The following SLC35F6 variants were observed in gnomAD, a reference collection of about 807,000 sequenced individuals.
SLC35F6 encodes the protein solute carrier family 35 member F6.
Under a neutral mutation model 29.4 loss-of-function variants are expected in SLC35F6, and 26 were observed. The ratio of observed to expected loss-of-function variants is 0.89; its 90% CI spans 0.65 to 1.23. The LOEUF (loss-of-function observed/expected upper bound fraction) is 1.23, where lower values mean the gene tolerates loss of function less well. Ranked by LOEUF, SLC35F6 falls within the 50% of genes most tolerant of loss-of-function variation. The pLI is 0.00. For synonymous variants in SLC35F6, 174 were observed against 206.6 expected (o/e 0.84, Z 1.35); for missense variants, 428 against 487.8 (o/e 0.88, Z 1.15).
chr2:26,774,162 G>A, intron 1 of SLC35F6, 89 bp from the exon 2 acceptor site: 1 of 1,518,858 alleles, frequency 6.6e-7, no homozygotes, highest in African/African-American at 1.4e-5. Flanking sequence ...ACCCAGGTCT[G>A]GGCCTCTTGA....
At chr2:26,773,227 A>G (rs1467022213) in intron 1 of SLC35F6, among the ~76,000 whole-genome samples, 2 of 152,134 alleles carry the variant, frequency 1.3e-5, no homozygotes, top group African/African-American at 4.8e-5. Context: ...TGGGCCAGGC[A>G]CGGTGGCTCA....
intron 2 of SLC35F6, 132 bp from the exon 3 acceptor site, chr2:26,774,912 C>A: frequency 9.1e-7 from 1 of 1,100,196 alleles, no homozygotes; most frequent in Non-Finnish European, 1.3e-6. Context: ...GGCAGCTCTG[C>A]ATTTGTCTAT....
chr2:26,775,704 T>C lies in SLC35F6; in HGVS notation c.535+28T>C, dbSNP rs1181204455. 101 of 1,523,868 alleles carry C rather than the reference T, an allele frequency of 6.6e-5. No homozygotes were observed. Among genetic ancestry groups the C allele is most frequent in the Non-Finnish European group, 8.5e-5 (97 of 1,137,450 alleles). The allele number at this position is 1,523,868 out of a possible 1,614,324, so 94.4% of individuals were successfully genotyped here. On this transcript the variant is annotated intron_variant, in intron 4 of 5. Coordinates refer to ENST00000344420, the MANE Select transcript of SLC35F6 (RefSeq NM_017877.4). This position sits in a 1 kb window ranked among gnomAD's most constrained non-coding sequence, Gnocchi z 4.6. ...GCGGCCAGGGGCAGGGACACGGGGC[T>C]GCCCTATCCTGCCCTGTCCTCCTTG...
rs995753847 is a variant in SLC35F6 at position 26,776,009 on chromosome 2, C to T, written c.535+333C>T. Reference sequence around the variant, plus strand: ...CTGTGTGTTCATCATCACAGTGACTCCCACAGGCCCCAAACGGATGCATCA... The same window carrying T: ...CTGTGTGTTCATCATCACAGTGACTTCCACAGGCCCCAAACGGATGCATCA... On this transcript the variant is annotated intron_variant, in intron 4 of 5. Coordinates refer to ENST00000344420, the MANE Select transcript of SLC35F6 (RefSeq NM_017877.4). Among the ~76,000 whole-genome samples, 16 of 152,192 alleles carry T rather than the reference C, an allele frequency of 1.1e-4. 1 individual carries two copies. The highest frequency in any genetic ancestry group is 3.6e-4 in the African/African-American group (15 of 41,450).
intron 4 of SLC35F6, 148 bp from the exon 5 acceptor site, chr2:26,776,224 C>A: frequency 1.5e-6 from 1 of 660,318 alleles, no homozygotes; most frequent in South Asian, 2.0e-5. Context: ...ACCAGGGAAT[C>A]AGGGACAGGC....
Position 26,779,676 on chromosome 2 carries a change from C to G in SLC35F6, c.*1165C>G, listed in dbSNP as rs568764262. 1 of 152,292 alleles carries G rather than the reference C, an allele frequency of 6.6e-6. No homozygotes were observed. The highest frequency in any genetic ancestry group is 6.5e-5 in the Admixed American group (1 of 15,284). The allele number at this position is 152,292 out of a possible 1,614,324, so 9.4% of individuals were successfully genotyped here. A position where few individuals can be genotyped will look rare whatever the true frequency, so the allele number is the denominator to read the frequency against. ...GACTACAGGCGTGTGCCACCACATC[C>G]GGCTAATTTTTTGCATTCTTTAATA... On this transcript the variant is annotated 3_prime_UTR_variant, in exon 6 of 6. Transcript: ENST00000344420.
chr2:26,766,283 C>T (rs776508463), intron 1 of SLC35F6, among the ~76,000 whole-genome samples: 5 of 152,170 alleles, frequency 3.3e-5, no homozygotes, highest in Admixed American at 6.6e-5. Context: ...GCATGCACCC[C>T]GATGTGAAGT....
At chr2:26,776,163 C>T (rs73923337) in intron 4 of SLC35F6, among the ~76,000 whole-genome samples, 7,479 of 152,332 alleles carry the variant, frequency 0.049, 648 homozygotes, top group African/African-American at 0.17. Context: ...CTCTTAGACA[C>T]AGGCAGGCCT....
rs1232956809 is a variant in SLC35F6, at chr2:26,778,398, G to A, written c.1003G>A (p.Gly335Arg). The stretch of plus-strand genomic sequence containing the variant: ...CCTTATAGGCACTGCCCTCTACAAT[G>A]GGCTACACCGTCCGCTGCTGGGCCG... ...ILLIGTALYN[G>R]LHRPLLGRLS... is the part of the protein sequence containing the mutation. Residue 335 changes from glycine to arginine, a missense_variant, in exon 6 of 6, where the codon GGG becomes AGG. Transcript: ENST00000344420. 1 of 1,614,128 alleles carries A rather than the reference G, an allele frequency of 6.2e-7. No individual in the cohort carries two copies.
rs1437012229 is a variant in SLC35F6, at chr2:26,781,166, G to GCC, written c.*2655_*2656insCC. Reference sequence around the variant, plus strand: ...TTGGCAATTGTATTAATCCATTCTCGAATTGCTGTAAAGAAATACCTGAGA... The same window carrying GCC: ...TTGGCAATTGTATTAATCCATTCTCGCCAATTGCTGTAAAGAAATACCTGAGA... On this transcript the variant is annotated 3_prime_UTR_variant, in exon 6 of 6. Coordinates refer to ENST00000344420, the MANE Select transcript of SLC35F6 (RefSeq NM_017877.4). The GCC allele has an allele frequency of 6.6e-6, 1 of 152,078 alleles. No homozygotes were observed. The highest frequency in any genetic ancestry group is 1.5e-5 in the Non-Finnish European group (1 of 68,014). 9.4% of individuals were successfully genotyped at this position (152,078 alleles called of 1,614,324 possible). A position where few individuals can be genotyped will look rare whatever the true frequency, so the allele number is the denominator to read the frequency against.
chr2:26,765,541 C>A (rs1323172306), intron 1 of SLC35F6, among the ~76,000 whole-genome samples: 1 of 152,196 alleles, frequency 6.6e-6, no homozygotes, highest in Non-Finnish European at 1.5e-5. Flanking sequence ...AAGGTACCTA[C>A]GGTGTGTAAG....
Position 26,775,412 on chromosome 2 carries a change from C to G in SLC35F6, c.323-52C>G. The G allele has an allele frequency of 6.3e-7, 1 of 1,588,858 alleles. No individual in the cohort carries two copies. Among genetic ancestry groups the G allele is most frequent in the Admixed American group, 1.7e-5 (1 of 58,302 alleles). On this transcript the variant is annotated intron_variant, in intron 3 of 5. Transcript: ENST00000344420. The surrounding 1 kb of genome is among the most constrained non-coding windows in gnomAD (Gnocchi z 4.6). The stretch of plus-strand genomic sequence containing the variant: ...TCTATCACCAAAGACCCCTTAGTGA[C>G]AGATGGCCTTCGCCTTGGGAAGCTA...
rs1222619890 is a variant in SLC35F6, at chr2:26,779,365, T to TA, written c.*855dup. The TA allele has an allele frequency of 6.6e-6, 1 of 152,244 alleles. No individual in the cohort carries two copies. Among genetic ancestry groups the TA allele is most frequent in the Admixed American group, 6.5e-5 (1 of 15,282 alleles). 9.4% of individuals were successfully genotyped at this position (152,244 alleles called of 1,614,324 possible). A position where few individuals can be genotyped will look rare whatever the true frequency, so the allele number is the denominator to read the frequency against. On this transcript the variant is annotated 3_prime_UTR_variant, in exon 6 of 6. Coordinates refer to ENST00000344420, the MANE Select transcript of SLC35F6 (RefSeq NM_017877.4). ...ACCCAGTTGCTCTGGGCCTTGGTGTTATGCTCTGGGAAGTAGATGTTGATG... is the reference window on the plus strand; with the variant it reads ...ACCCAGTTGCTCTGGGCCTTGGTGTTAATGCTCTGGGAAGTAGATGTTGATG...
In SLC35F6 at chr2:26,773,774, G is replaced by A. The variant is rs192204726; in HGVS notation, c.78-477G>A. Among the ~76,000 whole-genome samples, 60 of 151,654 alleles carry A rather than the reference G, an allele frequency of 4.0e-4. 1 individual carries two copies. The highest frequency in any genetic ancestry group is 1.4e-3 in the African/African-American group (58 of 41,442). On this transcript the variant is annotated intron_variant, in intron 1 of 5. Coordinates refer to ENST00000344420, the MANE Select transcript of SLC35F6 (RefSeq NM_017877.4). The stretch of plus-strand genomic sequence containing the variant: ...ATTACAGGCTTGTACCACCACGCCC[G>A]GCTAATTTTTGTATTTTTAGTAGAG...
At chr2:26,776,815 G>T (rs1664309731) in intron 5 of SLC35F6, among the ~76,000 whole-genome samples, 1 of 152,140 alleles carries the variant, frequency 6.6e-6, no homozygotes, top group African/African-American at 2.4e-5. Context: ...TGGCATTCGA[G>T]CTGCAAATTT....
At position 26,778,366 on chromosome 2, in the gene SLC35F6, T is replaced by C. The variant is rs769424795; in HGVS notation, c.971T>C (p.Leu324Pro). The C allele has an allele frequency of 2.1e-5, 34 of 1,614,030 alleles. No individual in the cohort carries two copies. Among genetic ancestry groups the C allele is most frequent in the Non-Finnish European group, 2.9e-5 (34 of 1,180,020 alleles). The change falls in exon 6 of 6, where the codon CTC becomes CCC. Residue 324 changes from leucine (L) to proline (P), a missense_variant. Transcript: ENST00000344420. ...AFHALQILGF[L>P]ILLIGTALYN... Reference sequence around the variant, plus strand: ...CATGCACTGCAGATCCTTGGCTTCCTCATACTCCTTATAGGCACTGCCCTC... The same window carrying C: ...CATGCACTGCAGATCCTTGGCTTCCCCATACTCCTTATAGGCACTGCCCTC...
Position 26,775,603 on chromosome 2 carries a change from G to C in SLC35F6, c.462G>C (p.Gly154=), listed in dbSNP as rs747998026. ...QWLGILATIA[G]LVVVGLADLL... ...TGGGCATCCTAGCCACCATCGCGGG[G>C]CTGGTGGTCGTGGGCCTGGCTGACC... Residue 154 remains glycine, a synonymous_variant, in exon 4 of 6, where the codon GGG becomes GGC. Coordinates refer to ENST00000344420, the MANE Select transcript of SLC35F6 (RefSeq NM_017877.4). The surrounding 1 kb of genome is among the most constrained non-coding windows in gnomAD (Gnocchi z 4.6). 6.2e-7 allele frequency: 1 copy of C among 1,607,032 alleles called. No homozygotes were observed. The highest frequency in any genetic ancestry group is 1.1e-5 in the South Asian group (1 of 90,012).
Position 26,764,751 on chromosome 2 carries a change from G to C in SLC35F6, c.77+325G>C, listed in dbSNP as rs557682633. The C allele has an allele frequency of 9.4e-5, 92 of 978,136 alleles. No homozygotes were observed. The African/African-American group carries it at 1.6e-3, about 17-fold the overall frequency. 60.6% of individuals were successfully genotyped at this position (978,136 alleles called of 1,614,324 possible). A position where few individuals can be genotyped will look rare whatever the true frequency, so the allele number is the denominator to read the frequency against. The stretch of plus-strand genomic sequence containing the variant: ...TCCAAGCCTGAGCACCTCCCTCCAC[G>C]AGCTGGGAGAGACCCCTGGACTTGT... On this transcript the variant is annotated intron_variant, in intron 1 of 5. Transcript: ENST00000344420.
chr2:26,775,792 G>C lies in SLC35F6; in HGVS notation c.535+116G>C. On this transcript the variant is annotated intron_variant, in intron 4 of 5. Coordinates refer to ENST00000344420, the MANE Select transcript of SLC35F6 (RefSeq NM_017877.4). This position sits in a 1 kb window ranked among gnomAD's most constrained non-coding sequence, Gnocchi z 4.6. ...CCATATACCAAGCCCTGGGTGAGGT[G>C]GGTAGCTCTGGAGGTGATGGATAGA... is the stretch of plus-strand genomic sequence containing the variant. 1 of 1,180,420 alleles carries C rather than the reference G, an allele frequency of 8.5e-7. No individual in the cohort carries two copies. Among genetic ancestry groups the C allele is most frequent in the Admixed American group, 2.7e-5 (1 of 36,534 alleles). 73.1% of individuals were successfully genotyped at this position (1,180,420 alleles called of 1,614,324 possible).
Sources: allele counts gnomAD v4.1 joint callset (sites outside exome capture counted in the v4.1 genomes callset), GRCh38; gene constraint gnomAD v4.1.1; non-coding constraint Gnocchi (gnomAD v3.1); transcripts MANE v1.5; gene names NCBI Gene and HGNC (gene_info 2026-07-23, HGNC 2026-07-21).